Variants in SLC35A3 observed in about 807,000 individuals in gnomAD.
SLC35A3 encodes the protein solute carrier family 35 member A3.
SLC35A3 carries 26 observed loss-of-function variants against 39.0 expected under a neutral mutation model. That is an observed-to-expected ratio of 0.67 (90% CI 0.49 to 0.92). The LOEUF is 0.92. SLC35A3 is among the 40% of genes least tolerant of loss of function. SLC35A3 has a pLI of 0.00. For missense variants in SLC35A3, 299 were observed against 371.6 expected, an observed-to-expected ratio of 0.80 and a Z score of 1.61; for synonymous variants, 135 against 133.1, an observed-to-expected ratio of 1.01 and a Z score of -0.10.
rs900719275 is a variant in SLC35A3 at position 99,984,876 on chromosome 1, A to G, written c.-18-8661A>G. ...TTTCATATGTTTATTGGCCATTTGT[A>G]TATCTTCTTTTGAGAATTGTCTGTT... On this transcript the variant is annotated intron_variant, in intron 1 of 7. Coordinates refer to ENST00000533028, the MANE Select transcript of SLC35A3 (RefSeq NM_012243.3). Among the ~76,000 whole-genome samples the G allele has an allele frequency of 7.9e-5, 12 of 152,098 alleles. 1 individual carries two copies. The highest frequency in any genetic ancestry group is 4.6e-4 in the Admixed American group (7 of 15,270).
chr1:100,022,241 T>G, intron 7 of SLC35A3, 145 bp from the exon 8 acceptor site: 2 of 520,436 alleles, frequency 3.8e-6, no homozygotes, highest in South Asian at 5.8e-5. Flanking sequence ...ATACCTGGAA[T>G]GTAGTAAGTA....
At chr1:99,987,503 G>C (rs1243734485) in intron 1 of SLC35A3, among the ~76,000 whole-genome samples, 1 of 152,046 alleles carries the variant, frequency 6.6e-6, no homozygotes, top group Admixed American at 6.6e-5. Flanking sequence ...TTATATTCAT[G>C]GTGCTGCATT....
rs1334259370 is a variant in SLC35A3, at chr1:99,993,603, A to G, written c.49A>G (p.Thr17Ala). 2 of 1,614,006 alleles carry G rather than the reference A, an allele frequency of 1.2e-6. No homozygotes were observed. The highest frequency in any genetic ancestry group is 1.7e-5 in the Admixed American group (1 of 60,014). ...TTCCCTGGGAATTTTGGTCTTTCAGACTACCAGTTTGGTTCTAACAATGCG... is the reference window on the plus strand; with the variant it reads ...TTCCCTGGGAATTTTGGTCTTTCAGGCTACCAGTTTGGTTCTAACAATGCG... ...YVSLGILVFQTTSLVLTMRYS... is the reference protein window; with the variant it reads ...YVSLGILVFQATSLVLTMRYS... The change falls in exon 2 of 8, where the codon ACT becomes GCT. Residue 17 changes from threonine to alanine, a missense_variant. Thr to Ala is a moderately conservative substitution (Grantham distance 58). Transcript: ENST00000533028.
chr1:99,977,786 A>G (rs1240753497), intron 1 of SLC35A3, among the ~76,000 whole-genome samples: 2 of 152,184 alleles, frequency 1.3e-5, no homozygotes, highest in Non-Finnish European at 2.9e-5. Context: ...GGATCCTCCC[A>G]TCTTGGTCTC....
Position 100,016,405 on chromosome 1 carries a change from G to A in SLC35A3, c.753+985G>A, listed in dbSNP as rs1413271589. On this transcript the variant is annotated intron_variant, in intron 6 of 7. Coordinates refer to ENST00000533028, the MANE Select transcript of SLC35A3 (RefSeq NM_012243.3). ...TTTTTTTTTTTTGAGACGGAGTCTCGCTCTGTTGCCCAGGCTGGAGTGCAG... is the reference window on the plus strand; with the variant it reads ...TTTTTTTTTTTTGAGACGGAGTCTCACTCTGTTGCCCAGGCTGGAGTGCAG... Among the ~76,000 whole-genome samples the A allele has an allele frequency of 3.3e-5, 4 of 121,584 alleles. No homozygotes were observed. The South Asian group carries it at 7.9e-4, about 24-fold the overall frequency. 79.8% of individuals were successfully genotyped at this position (121,584 alleles called of 152,430 possible). A position where few individuals can be genotyped will look rare whatever the true frequency, so the allele number is the denominator to read the frequency against.
intron 7 of SLC35A3, among the ~76,000 whole-genome samples, chr1:100,018,654 C>G (rs1019813796): frequency 2.6e-5 from 4 of 152,132 alleles, no homozygotes; most frequent in African/African-American, 4.8e-5. Context: ...CTCAGCCTCA[C>G]AGGTAGCTGG....
intron 1 of SLC35A3, among the ~76,000 whole-genome samples, chr1:99,986,858 G>T (rs796582603): frequency 6.6e-6 from 1 of 152,184 alleles, no homozygotes; most frequent in African/African-American, 2.4e-5. Context: ...AAAGTGCTGG[G>T]TTTACAAGCC....
intron 1 of SLC35A3, chr1:99,970,401 G>A (rs1656731411): frequency 3.2e-6 from 2 of 624,762 alleles, no homozygotes; most frequent in Admixed American, 5.6e-5. Flanking sequence ...GTACTGGGTG[G>A]AGGAGGAAAA....
At chr1:99,993,874 T>G (rs1658233231) in intron 2 of SLC35A3, 133 bp downstream of exon 2, 2 of 724,956 alleles carry the variant, frequency 2.8e-6, no homozygotes, top group African/African-American at 3.7e-5. Context: ...TTTTAAAAAT[T>G]TTCTTAAGAC....
intron 1 of SLC35A3, among the ~76,000 whole-genome samples, chr1:99,983,735 C>G (rs941462659): frequency 6.6e-6 from 1 of 151,548 alleles, no homozygotes; most frequent in African/African-American, 2.4e-5. Context: ...AAGCGATTCT[C>G]CTGCCTCAGC....
chr1:100,014,163 A>G (rs995675554), intron 5 of SLC35A3, among the ~76,000 whole-genome samples: 4 of 152,220 alleles, frequency 2.6e-5, no homozygotes, highest in African/African-American at 9.6e-5. Flanking sequence ...ACTATTTCTT[A>G]GCTGTGATTT....
Position 100,031,129 on chromosome 1 carries a change from G to A in SLC35A3, c.*8653G>A, listed in dbSNP as rs1319453017. On this transcript the variant is annotated 3_prime_UTR_variant, in exon 8 of 8. Transcript: ENST00000533028. ...TTTTTATAATATTGCCATTTTAATG[G>A]CTTCAATCATGCTATGACAGATTGT... is the stretch of plus-strand genomic sequence containing the variant. The A allele has an allele frequency of 4.6e-5, 7 of 151,670 alleles. No individual in the cohort carries two copies. The East Asian group carries it at 1.4e-3, about 29-fold the overall frequency. 9.4% of individuals were successfully genotyped at this position (151,670 alleles called of 1,614,324 possible).
At chr1:99,975,010 C>G (rs1041269157) in intron 1 of SLC35A3, 4 of 151,630 alleles carry the variant, frequency 2.6e-5, no homozygotes, top group African/African-American at 9.7e-5. Context: ...GAGGCGCAAT[C>G]TCAGCTCACT....
intron 5 of SLC35A3, among the ~76,000 whole-genome samples, chr1:100,012,603 A>C (rs1659747169): frequency 6.6e-6 from 1 of 152,220 alleles, no homozygotes; most frequent in African/African-American, 2.4e-5. Flanking sequence ...ATTTATCCAG[A>C]GAATAGAGAA....
At chr1:99,983,487 C>T (rs958978171) in intron 1 of SLC35A3, among the ~76,000 whole-genome samples, 5 of 150,752 alleles carry the variant, frequency 3.3e-5, no homozygotes, top group Non-Finnish European at 7.4e-5. Flanking sequence ...TGGAGTGAGC[C>T]GAGATCGCGC....
At chr1:99,983,181 G>GC (rs1557823254) in intron 1 of SLC35A3, among the ~76,000 whole-genome samples, 1 of 151,490 alleles carries the variant, frequency 6.6e-6, no homozygotes, top group East Asian at 1.9e-4. Flanking sequence ...TGTGTGTGTG[G>GC]GTGTGTGTGT....
rs1479885747 is a variant in SLC35A3, at chr1:100,022,845, T to C, written c.*369T>C. 6.4e-6 allele frequency: 1 copy of C among 155,920 alleles called. No individual in the cohort carries two copies. The highest frequency in any genetic ancestry group is 1.4e-5 in the Non-Finnish European group (1 of 70,336). 9.7% of individuals were successfully genotyped at this position (155,920 alleles called of 1,614,324 possible). A position where few individuals can be genotyped will look rare whatever the true frequency, so the allele number is the denominator to read the frequency against. ...TAGATTTAATCTTATTAAATGTTTT[T>C]ATCTTACTCTTTCTGTACAGATATA... is the stretch of plus-strand genomic sequence containing the variant. On this transcript the variant is annotated 3_prime_UTR_variant, in exon 8 of 8. Coordinates refer to ENST00000533028, the MANE Select transcript of SLC35A3 (RefSeq NM_012243.3).
intron 6 of SLC35A3, 48 bp from the exon 7 acceptor site, chr1:100,017,634 A>T: frequency 6.3e-6 from 8 of 1,277,306 alleles, no homozygotes; most frequent in Non-Finnish European, 8.5e-6. Context: ...GTGTTTTGAA[A>T]TGCAGTTTTA....
At chr1:100,000,902 A>G (rs1425850615) in intron 3 of SLC35A3, among the ~76,000 whole-genome samples, 1 of 151,394 alleles carries the variant, frequency 6.6e-6, no homozygotes, top group Non-Finnish European at 1.5e-5. Flanking sequence ...GAGAGATGGG[A>G]TCTAGTGTCA....
Sources: gnomAD v4.1 joint callset for allele counts (sites outside exome capture counted in the v4.1 genomes callset) on GRCh38, gnomAD v4.1.1 for gene constraint, MANE v1.5 for transcripts, NCBI Gene and HGNC (gene_info 2026-07-23, HGNC 2026-07-21) for gene names.